Variants in COBL observed in about 807,000 individuals in gnomAD.
COBL encodes the protein cordon-bleu WH2 repeat protein.
A neutral mutation model predicts 98.8 loss-of-function variants in COBL; 51 were observed. The observed-to-expected ratio is 0.52, with a 90% CI of 0.41 to 0.65. COBL has a LOEUF of 0.65. Ranked by LOEUF, COBL falls within the 30% of genes least tolerant of loss-of-function variation. The pLI is 0.00. For synonymous variants in COBL, 634 were observed against 651.7 expected, an observed-to-expected ratio of 0.97 and a Z score of 0.41; for missense variants, 1,617 against 1,617.5, an observed-to-expected ratio of 1.00 and a Z score of 0.01.
At chr7:51,033,621 G>A (rs76006875) in intron 8 of COBL, 125 of 152,368 alleles carry the variant, frequency 8.2e-4, no homozygotes, top group African/African-American at 2.8e-3. Flanking sequence ...TAAGGAAAAG[G>A]ATGAATTAGG....
intron 7 of COBL, among the ~76,000 whole-genome samples, chr7:51,050,963 TATATTAAATTAC>T (rs1231303874): frequency 6.6e-6 from 1 of 152,252 alleles, no homozygotes; most frequent in Non-Finnish European, 1.5e-5. Flanking sequence ...ACCATTATTT[TATATTAAATTAC>T]ATATTAAATT....
In COBL at chr7:51,072,329, C is replaced by A. The variant is rs1196085540; in HGVS notation, c.1096+12837G>T. On this transcript the variant is annotated intron_variant, in intron 7 of 12. Coordinates refer to ENST00000265136, the MANE Select transcript of COBL (RefSeq NM_015198.5). The stretch of plus-strand genomic sequence containing the variant: ...GACTATTTTTACCTACTCTGCCTGT[C>A]TTGGGACAATGCAGTTGAGGTGACT... 3 of 152,226 alleles carry A rather than the reference C, an allele frequency of 2.0e-5. No individual in the cohort carries two copies. In the East Asian group the frequency reaches 5.8e-4, roughly 29 times the overall value. 9.4% of individuals were successfully genotyped at this position (152,226 alleles called of 1,614,324 possible).
intron 6 of COBL, among the ~76,000 whole-genome samples, chr7:51,089,060 C>T (rs1794556318): frequency 6.6e-6 from 1 of 152,166 alleles, no homozygotes; most frequent in African/African-American, 2.4e-5. Context: ...TGCAGGCATT[C>T]AGCCATTCCT....
rs185419832 is a variant in COBL, at chr7:51,315,713, C to A, written c.41+880G>T. Among the ~76,000 whole-genome samples the A allele has an allele frequency of 4.0e-3, 611 of 152,320 alleles. 3 individuals are homozygous for A. The highest frequency in any genetic ancestry group is 9.5e-3 in the Admixed American group (146 of 15,308). On this transcript the variant is annotated intron_variant, in intron 1 of 12. Coordinates refer to ENST00000265136, the MANE Select transcript of COBL (RefSeq NM_015198.5). ...CCGCGGCCCAGCCTGCACCGCTGGC[C>A]GGGATGAGCACGGCGCACCTGGCTC...
chr7:51,187,902 G>A, intron 4 of COBL: 3 of 1,232,326 alleles, frequency 2.4e-6, no homozygotes, highest in Non-Finnish European at 3.0e-6. Flanking sequence ...GGAAGCCCCA[G>A]GTTCACTGTA....
chr7:51,030,671 G>C (rs1788046113), intron 9 of COBL, 141 bp downstream of exon 9: 1 of 632,974 alleles, frequency 1.6e-6, no homozygotes, highest in Non-Finnish European at 2.8e-6. Context: ...CTCACATCCA[G>C]ACTTTCACCA....
chr7:51,128,866 G>A (rs1014144480), intron 6 of COBL, among the ~76,000 whole-genome samples: 3 of 152,208 alleles, frequency 2.0e-5, no homozygotes, highest in African/African-American at 7.2e-5. Flanking sequence ...AACTGCAAAT[G>A]GGCCTGCTTG....
chr7:51,108,958 C>CACACACACACACACACACACACACACA (rs1562923478), intron 6 of COBL, among the ~76,000 whole-genome samples: 14 of 83,984 alleles, frequency 1.7e-4, no homozygotes, highest in South Asian at 7.0e-4. Flanking sequence ...ACACACACAC[C>CACACACACACACACACACACACACACA]CCCTGCCCCA....
intron 6 of COBL, among the ~76,000 whole-genome samples, chr7:51,105,787 C>T (rs1016953247): frequency 2.6e-5 from 4 of 151,870 alleles, no homozygotes; most frequent in Non-Finnish European, 5.9e-5. Context: ...GGGTTCCCTC[C>T]TAGGCTGAGA....
chr7:51,137,534 C>T (rs1799353573), intron 5 of COBL, among the ~76,000 whole-genome samples: 1 of 150,950 alleles, frequency 6.6e-6, no homozygotes, highest in Non-Finnish European at 1.5e-5. Flanking sequence ...GAGTTTGAGG[C>T]TGTAGTGAGC....
intron 3 of COBL, 35 bp from the exon 4 acceptor site, chr7:51,191,113 G>C: frequency 6.3e-7 from 1 of 1,578,748 alleles, no homozygotes; most frequent in Non-Finnish European, 8.7e-7. Flanking sequence ...AATTCAGTAA[G>C]ATATCCTCCC....
intron 1 of COBL, among the ~76,000 whole-genome samples, chr7:51,300,314 C>T (rs1245814851): frequency 1.3e-5 from 2 of 152,146 alleles, no homozygotes; most frequent in Non-Finnish European, 2.9e-5. Context: ...GCACCCACCA[C>T]CACACCTGGC....
intron 5 of COBL, among the ~76,000 whole-genome samples, chr7:51,157,546 G>A (rs1786297883): frequency 6.6e-6 from 1 of 152,192 alleles, no homozygotes; most frequent in Non-Finnish European, 1.5e-5. Flanking sequence ...AGGGCAAGTG[G>A]TTGGAGAGGC....
chr7:51,178,349 G>T (rs771120617), intron 5 of COBL, among the ~76,000 whole-genome samples: 11 of 152,056 alleles, frequency 7.2e-5, no homozygotes, highest in Non-Finnish European at 1.5e-4. Context: ...TATTGCAAAA[G>T]GTTATAAAAG....
chr7:51,294,521 T>C (rs1042855775), intron 1 of COBL, among the ~76,000 whole-genome samples: 6 of 150,746 alleles, frequency 4.0e-5, no homozygotes, highest in Non-Finnish European at 8.8e-5. Context: ...CACATGCCTA[T>C]AATCCCAGCT....
At chr7:51,286,435 T>C (rs1480396570) in intron 1 of COBL, among the ~76,000 whole-genome samples, 1 of 151,532 alleles carries the variant, frequency 6.6e-6, no homozygotes, top group Admixed American at 6.6e-5. Context: ...AAATCTAATT[T>C]TAAAATGGCA....
chr7:51,027,668 G>A, intron 10 of COBL, 44 bp downstream of exon 10: 2 of 1,470,122 alleles, frequency 1.4e-6, no homozygotes, highest in Non-Finnish European at 1.9e-6. Context: ...GTGCACTGAA[G>A]TGGGCAGGTG....
intron 5 of COBL, among the ~76,000 whole-genome samples, chr7:51,167,506 A>C (rs1241070862): frequency 6.6e-6 from 1 of 152,174 alleles, no homozygotes; most frequent in East Asian, 1.9e-4. Context: ...TACTACCGTA[A>C]GCATTCTACA....
At chr7:51,167,682 A>C (rs1451454737) in intron 5 of COBL, among the ~76,000 whole-genome samples, 1 of 152,198 alleles carries the variant, frequency 6.6e-6, no homozygotes, top group African/African-American at 2.4e-5. Context: ...AAATTATACT[A>C]CAGAATTATT....
Sources: gnomAD v4.1 joint callset for allele counts (sites outside exome capture counted in the v4.1 genomes callset) on GRCh38, gnomAD v4.1.1 for gene constraint, MANE v1.5 for transcripts, NCBI Gene and HGNC (gene_info 2026-07-23, HGNC 2026-07-21) for gene names.